ZNF66: variants seen among roughly 807,000 people sequenced by gnomAD.
ZNF66 encodes the protein putative zinc finger protein 66.
ZNF66 carries 32 observed loss-of-function variants against 35.2 expected under a neutral mutation model. That is an observed-to-expected ratio of 0.91 (90% CI 0.69 to 1.22). ZNF66 has a LOEUF of 1.22. Ranked by LOEUF, ZNF66 falls within the 50% of genes most tolerant of loss-of-function variation. The pLI, the probability that ZNF66 is intolerant of heterozygous loss-of-function variation, is 0.00. For missense variants in ZNF66, 666 were observed against 543.1 expected (o/e 1.23, Z -2.25); for synonymous variants, 231 against 181.3 (o/e 1.27, Z -2.20).
rs1971547779 is a variant in ZNF66 at position 20,808,367 on chromosome 19, C to G, written c.*1045C>G. ...AGAGAGTAGTGGTTCTCCCAGCACGCAGCTGGAGATCTGAGAACGGGCAGA... is the reference window on the plus strand; with the variant it reads ...AGAGAGTAGTGGTTCTCCCAGCACGGAGCTGGAGATCTGAGAACGGGCAGA... On this transcript the variant is annotated 3_prime_UTR_variant, in exon 4 of 4. Transcript: ENST00000344519. 1.3e-5 allele frequency among the ~76,000 whole-genome samples: 2 copies of G among 152,236 alleles called. No individual in the cohort carries two copies. Among genetic ancestry groups the G allele is most frequent in the African/African-American group, 4.8e-5 (2 of 41,470 alleles).
At chr19:20,799,471 A>ATTG (rs71174749) in intron 3 of ZNF66, 2 of 151,034 alleles carry the variant, frequency 1.3e-5, no homozygotes, top group African/African-American at 4.9e-5. Context: ...TTTTATTTTT[A>ATTG]CACCTAATGA....
At position 20,806,984 on chromosome 19, in the gene ZNF66, T is replaced by G. The variant is rs1481469981; in HGVS notation, c.1384T>G (p.Phe462Val). 4 of 1,014,810 alleles carry G rather than the reference T, an allele frequency of 3.9e-6. No homozygotes were observed. In the African/African-American group the frequency reaches 4.7e-5, roughly 12 times the overall value. 62.9% of individuals were successfully genotyped at this position (1,014,810 alleles called of 1,614,324 possible). A position where few individuals can be genotyped will look rare whatever the true frequency, so the allele number is the denominator to read the frequency against. Residue 462 changes from phenylalanine (F) to valine (V), a missense_variant, in exon 4 of 4, where the codon TTT becomes GTT. Phe to Val is a conservative substitution (Grantham distance 50, BLOSUM62 -1). Transcript: ENST00000344519. ...CGAATGTGAAGACTGTGGCAAAGCC[T>G]TTAACCGCTCCTCTAACCTTACTAA... The part of the protein sequence containing the change: ...PYECEDCGKA[F>V]NRSSNLTKHK...
chr19:20,780,665 ACT>A (rs1971237459), intron 1 of ZNF66, among the ~76,000 whole-genome samples: 1 of 151,950 alleles, frequency 6.6e-6, no homozygotes, highest in Non-Finnish European at 1.5e-5. Flanking sequence ...TGTTCAGCTA[ACT>A]CTACAGATTT....
rs763940269 is a variant in ZNF66, at chr19:20,806,594, AAG to A, written c.998_999del (p.Arg333AsnfsTer11). ...CTGGTCCTCACACCTTACTACACATAAGAGAATTCATACTGGAGAGAAACCCT... is the reference window on the plus strand; with the variant it reads ...CTGGTCCTCACACCTTACTACACATAAGAATTCATACTGGAGAGAAACCCT... ...FNWSSHLTTH[K>X]RIHTGEKPYK... On this transcript the variant is annotated frameshift_variant, in exon 4 of 4. Coordinates refer to ENST00000344519, the MANE Select transcript of ZNF66 (RefSeq NM_001355197.2). LOFTEE classifies it high-confidence loss of function. 1.9e-6 allele frequency: 3 copies of A among 1,593,766 alleles called. No homozygotes were observed. In the South Asian group the frequency reaches 3.3e-5, roughly 18 times the overall value.
intron 1 of ZNF66, among the ~76,000 whole-genome samples, chr19:20,780,222 A>G (rs140870052): frequency 6.3e-4 from 96 of 152,282 alleles, no homozygotes; most frequent in Non-Finnish European, 1.2e-3. Flanking sequence ...TCTTAGTCAT[A>G]ATGGGAAGAG....
rs142052913 is a variant in ZNF66, at chr19:20,797,189, ATTTTTTTTTTTTTT to A, written c.226+3334_226+3347del. 5.7e-3 allele frequency among the ~76,000 whole-genome samples: 260 copies of A among 45,468 alleles called. 28 individuals are homozygous for A. The highest frequency in any genetic ancestry group is 8.9e-3 in the Non-Finnish European group (214 of 24,158). 29.8% of individuals were successfully genotyped at this position (45,468 alleles called of 152,430 possible). Reference sequence around the variant, plus strand: ...ATAATGCATCAATGTTGCATGCTAGATTTTTTTTTTTTTTTTTTTTTTTTTTTTTTTTTTTTGAG... The same window carrying A: ...ATAATGCATCAATGTTGCATGCTAGATTTTTTTTTTTTTTTTTTTTTTGAG... On this transcript the variant is annotated intron_variant, in intron 3 of 3. Transcript: ENST00000344519.
At chr19:20,782,407 G>A (rs2144892378) in intron 1 of ZNF66, among the ~76,000 whole-genome samples, 1 of 152,124 alleles carries the variant, frequency 6.6e-6, no homozygotes, top group Non-Finnish European at 1.5e-5. Flanking sequence ...AGATTTCTGG[G>A]TCAAATGATA....
At chr19:20,787,232 T>C (rs190631545) in intron 1 of ZNF66, among the ~76,000 whole-genome samples, 4 of 151,470 alleles carry the variant, frequency 2.6e-5, no homozygotes, top group Non-Finnish European at 5.9e-5. Flanking sequence ...AAGTGTAGAT[T>C]CCAGGCAACT....
intron 3 of ZNF66, among the ~76,000 whole-genome samples, chr19:20,796,063 G>A (rs778582258): frequency 3.9e-5 from 6 of 152,082 alleles, no homozygotes; most frequent in Non-Finnish European, 8.8e-5. Flanking sequence ...TCTTAGTGGC[G>A]TGTATTTTGG....
chr19:20,777,043 A>G (rs977618772), intron 1 of ZNF66, among the ~76,000 whole-genome samples: 2 of 142,870 alleles, frequency 1.4e-5, no homozygotes, highest in Non-Finnish European at 3.0e-5. Flanking sequence ...TGAACCCGGG[A>G]GGCGGAGGTT....
chr19:20,776,524 T>G, intron 1 of ZNF66, 74 bp downstream of exon 1: 1 of 1,466,288 alleles, frequency 6.8e-7, no homozygotes, highest in Non-Finnish European at 9.5e-7. Context: ...CTCAGTCAGC[T>G]CCACAATCTG....
intron 1 of ZNF66, among the ~76,000 whole-genome samples, chr19:20,788,614 AGAC>A (rs994288607): frequency 8.6e-5 from 13 of 151,994 alleles, no homozygotes; most frequent in Admixed American, 6.6e-4. Context: ...CATCTTGGTC[AGAC>A]TGGTCTCAAA....
intron 1 of ZNF66, among the ~76,000 whole-genome samples, chr19:20,779,326 G>T (rs557650459): frequency 6.8e-6 from 1 of 147,878 alleles, no homozygotes; most frequent in African/African-American, 2.6e-5. Context: ...TTTAGGGAGA[G>T]GTAAACAAGA....
At chr19:20,803,258 T>A (rs916948307) in intron 3 of ZNF66, among the ~76,000 whole-genome samples, 2 of 151,680 alleles carry the variant, frequency 1.3e-5, no homozygotes, top group Admixed American at 1.3e-4. Flanking sequence ...GAAAAACTTA[T>A]TTTATTGTTT....
intron 3 of ZNF66, among the ~76,000 whole-genome samples, chr19:20,797,374 T>G (rs1305225372): frequency 2.2e-5 from 3 of 138,788 alleles, no homozygotes; most frequent in African/African-American, 8.0e-5. Context: ...GCCCGGCTAA[T>G]TTTTTGTATT....
In ZNF66 at chr19:20,809,046, T is replaced by C. The variant is rs1388177590; in HGVS notation, c.*1724T>C. Among the ~76,000 whole-genome samples, 1 of 152,090 alleles carries C rather than the reference T, an allele frequency of 6.6e-6. No homozygotes were observed. The highest frequency in any genetic ancestry group is 1.5e-5 in the Non-Finnish European group (1 of 68,022). On this transcript the variant is annotated 3_prime_UTR_variant, in exon 4 of 4. Coordinates refer to ENST00000344519, the MANE Select transcript of ZNF66 (RefSeq NM_001355197.2). Reference sequence around the variant, plus strand: ...GAACTACGTGAAGAATGCAGAAGCCTCAGGAGCCAATGCGATCAACTGGAA... The same window carrying C: ...GAACTACGTGAAGAATGCAGAAGCCCCAGGAGCCAATGCGATCAACTGGAA...
chr19:20,806,300 T>G lies in ZNF66; in HGVS notation c.700T>G (p.Cys234Gly), dbSNP rs1432432994. The part of the protein sequence containing the change: ...TGEKRYKCED[C>G]GKAFNRSSNL... Reference sequence around the variant, plus strand: ...AGAGAAACGGTACAAATGTGAAGACTGTGGCAAAGCCTTTAACCGCTCCTC... The same window carrying G: ...AGAGAAACGGTACAAATGTGAAGACGGTGGCAAAGCCTTTAACCGCTCCTC... Residue 234 changes from cysteine to glycine, a missense_variant, in exon 4 of 4, where the codon TGT (cysteine) becomes GGT (glycine). By Grantham distance (159) the Cys-to-Gly change is radical. Transcript: ENST00000344519. The G allele has an allele frequency of 6.7e-7, 1 of 1,496,584 alleles. No individual in the cohort carries two copies. The highest frequency in any genetic ancestry group is 1.4e-5 in the African/African-American group (1 of 72,410). The allele number at this position is 1,496,584 out of a possible 1,614,324, so 92.7% of individuals were successfully genotyped here.
rs946096413 is a variant in ZNF66 at position 20,808,707 on chromosome 19, A to G, written c.*1385A>G. ...AAAAACCCATCTGTACATCACCATCATCAAAGACCAAAAGTAGATAAAACC... is the reference window on the plus strand; with the variant it reads ...AAAAACCCATCTGTACATCACCATCGTCAAAGACCAAAAGTAGATAAAACC... On this transcript the variant is annotated 3_prime_UTR_variant, in exon 4 of 4. Coordinates refer to ENST00000344519, the MANE Select transcript of ZNF66 (RefSeq NM_001355197.2). Among the ~76,000 whole-genome samples, 1 of 152,094 alleles carries G rather than the reference A, an allele frequency of 6.6e-6. No individual in the cohort carries two copies. The highest frequency in any genetic ancestry group is 1.5e-5 in the Non-Finnish European group (1 of 67,994).
Position 20,809,831 on chromosome 19 carries a change from T to C in ZNF66, c.*2509T>C, listed in dbSNP as rs549305345. Reference sequence around the variant, plus strand: ...ACAGCATCAAATTCTCACATAACAATATTAGCTTTAAATGTAAATGGGCTA... The same window carrying C: ...ACAGCATCAAATTCTCACATAACAACATTAGCTTTAAATGTAAATGGGCTA... On this transcript the variant is annotated 3_prime_UTR_variant, in exon 4 of 4. Coordinates refer to ENST00000344519, the MANE Select transcript of ZNF66 (RefSeq NM_001355197.2). Among the ~76,000 whole-genome samples, 454 of 151,566 alleles carry C rather than the reference T, an allele frequency of 3.0e-3. 3 individuals carry two copies. The highest frequency in any genetic ancestry group is 0.01 in the African/African-American group (426 of 41,330).
Sources: gnomAD v4.1 joint callset for allele counts (sites outside exome capture counted in the v4.1 genomes callset) on GRCh38, gnomAD v4.1.1 for gene constraint, MANE v1.5 for transcripts, NCBI Gene and HGNC (gene_info 2026-07-23, HGNC 2026-07-21) for gene names.